CROCC: variants seen among roughly 807,000 people sequenced by gnomAD.
CROCC encodes the protein ciliary rootlet coiled-coil, rootletin, also known as rootletin.
A neutral mutation model predicts 245.2 loss-of-function variants in CROCC; 180 were observed. The ratio of observed to expected loss-of-function variants is 0.73; its 90% CI spans 0.65 to 0.83. CROCC has a LOEUF of 0.83. Ranked by LOEUF, CROCC falls within the 40% of genes least tolerant of loss-of-function variation. CROCC has a pLI of 0.00. For missense variants in CROCC, 2,688 were observed against 2,779.4 expected, an observed-to-expected ratio of 0.97 and a Z score of 0.74; for synonymous variants, 1,205 against 1,241.6, an observed-to-expected ratio of 0.97 and a Z score of 0.62.
intron 23 of CROCC, 22 bp from the exon 24 acceptor site, chr1:16,955,290 G>A: frequency 6.2e-7 from 1 of 1,603,248 alleles, no homozygotes; most frequent in Non-Finnish European, 8.5e-7. Context: ...CGCTGCCCTG[G>A]GGACACCTGC....
At position 16,938,381 on chromosome 1, in the gene CROCC, C is replaced by G; in HGVS notation, c.1291-19C>G. On this transcript the variant is annotated intron_variant, in intron 10 of 36. Coordinates refer to ENST00000375541, the MANE Select transcript of CROCC (RefSeq NM_014675.5). ...AGACAGAACCCCAACCACCCTTTGT[C>G]TCCCTAACCGCACTCCAGGAATCCC... 3.9e-6 allele frequency: 6 copies of G among 1,549,282 alleles called. No individual in the cohort carries two copies. Among genetic ancestry groups the G allele is most frequent in the Non-Finnish European group, 5.2e-6 (6 of 1,146,548 alleles).
intron 3 of CROCC, among the ~76,000 whole-genome samples, chr1:16,927,502 C>A (rs1379024630): frequency 2.0e-5 from 3 of 152,266 alleles, no homozygotes; most frequent in Non-Finnish European, 2.9e-5. Context: ...TACCCTGATA[C>A]ACACAGCCAG....
rs1239623294 is a variant in CROCC, at chr1:16,929,925, T to C, written c.431T>C (p.Leu144Ser). The C allele has an allele frequency of 5.0e-6, 8 of 1,589,168 alleles. No homozygotes were observed. The highest frequency in any genetic ancestry group is 1.3e-5 in the African/African-American group (1 of 74,766). ...GGGCTGGTACGGCAGAGCGTGGAGT[T>C]GCGGAGGCAGCTGCAGGAGGAGCAG... ...PRGLVRQSVE[L>S]RRQLQEEQAS... Residue 144 changes from leucine to serine, a missense_variant, in exon 4 of 37, where the codon TTG becomes TCG. By Grantham distance (145) the Leu-to-Ser change is moderately radical. Transcript: ENST00000375541.
chr1:16,959,665 A>G (rs920394488), intron 26 of CROCC, among the ~76,000 whole-genome samples: 14 of 152,192 alleles, frequency 9.2e-5, no homozygotes, highest in East Asian at 7.7e-4. Flanking sequence ...CTGTGTGACC[A>G]TGCATCCCAT....
At chr1:16,932,055 C>T (rs1372880458) in intron 8 of CROCC, among the ~76,000 whole-genome samples, 3 of 152,218 alleles carry the variant, frequency 2.0e-5, no homozygotes, top group Non-Finnish European at 4.4e-5. Flanking sequence ...GCATGAGCCA[C>T]AGCGCCAGGC....
At chr1:16,967,243 G>A (rs1192381791) in intron 30 of CROCC, among the ~76,000 whole-genome samples, 1 of 152,130 alleles carries the variant, frequency 6.6e-6, no homozygotes, top group Non-Finnish European at 1.5e-5. Context: ...TAGTTCTGGG[G>A]TTTTTATGTG....
Position 16,954,304 on chromosome 1 carries a change from C to T in CROCC, c.3268C>T (p.Leu1090=). Residue 1090 remains leucine (L), a synonymous_variant, in exon 22 of 37, where the codon CTG becomes TTG. Transcript: ENST00000375541. This position sits in a 1 kb window ranked among gnomAD's most constrained non-coding sequence, Gnocchi z 4.4. ...ACGGCACAGCCTGGCCACCATCTCC[C>T]TGGAGATGGAGCGGCAGAAACGAGA... The part of the protein sequence containing the change: ...GTRHSLATIS[L]EMERQKRDAQ... 1 of 1,612,102 alleles carries T rather than the reference C, an allele frequency of 6.2e-7. No individual in the cohort carries two copies. Among genetic ancestry groups the T allele is most frequent in the Non-Finnish European group, 8.5e-7 (1 of 1,179,896 alleles).
At position 16,954,651 on chromosome 1, in the gene CROCC, T is replaced by C. The variant is rs2076218471; in HGVS notation, c.3322-83T>C. The C allele has an allele frequency of 1.4e-6, 2 of 1,454,666 alleles. No homozygotes were observed. Among genetic ancestry groups the C allele is most frequent in the Non-Finnish European group, 1.8e-6 (2 of 1,094,898 alleles). 90.1% of individuals were successfully genotyped at this position (1,454,666 alleles called of 1,614,324 possible). On this transcript the variant is annotated intron_variant, in intron 22 of 36. Coordinates refer to ENST00000375541, the MANE Select transcript of CROCC (RefSeq NM_014675.5). This position sits in a 1 kb window ranked among gnomAD's most constrained non-coding sequence, Gnocchi z 4.4. ...GAGGGGCCGTGTTTAGAGCTAAAAG[T>C]GGACAGTGCACTGAGCGGGTTGGGA...
chr1:16,935,710 C>T (rs556830920), intron 8 of CROCC, among the ~76,000 whole-genome samples: 1 of 152,418 alleles, frequency 6.6e-6, no homozygotes, highest in African/African-American at 2.4e-5. Context: ...AGGCGTGAGC[C>T]ACCAAGCCTG....
chr1:16,968,467 A>G, intron 31 of CROCC, 49 bp downstream of exon 31: 1 of 1,439,646 alleles, frequency 6.9e-7, no homozygotes, highest in South Asian at 1.5e-5. Flanking sequence ...GCCCTGTGCC[A>G]AGAGCTTTGT....
At chr1:16,938,075 A>T (rs1260211684) in intron 10 of CROCC, among the ~76,000 whole-genome samples, 1 of 152,258 alleles carries the variant, frequency 6.6e-6, no homozygotes, top group Non-Finnish European at 1.5e-5. Flanking sequence ...CTGGCAACCT[A>T]GCTGCCCCCC....
intron 3 of CROCC, among the ~76,000 whole-genome samples, chr1:16,927,482 C>T (rs1460162130): frequency 4.6e-5 from 7 of 152,268 alleles, no homozygotes; most frequent in African/African-American, 1.7e-4. Context: ...CTCACCGACA[C>T]ACAGACATAT....
intron 3 of CROCC, among the ~76,000 whole-genome samples, chr1:16,924,780 G>A (rs1252507880): frequency 6.6e-6 from 1 of 152,270 alleles, no homozygotes; most frequent in East Asian, 1.9e-4. Context: ...TTAGGGGTGT[G>A]GGACACGGAG....
At chr1:16,937,042 A>G (rs1260276099) in intron 9 of CROCC, among the ~76,000 whole-genome samples, 169 bp downstream of exon 9, 4 of 152,294 alleles carry the variant, frequency 2.6e-5, no homozygotes, top group African/African-American at 7.2e-5. Flanking sequence ...TGTTTATCAT[A>G]AACAGCTTAG....
At chr1:16,964,683 T>A (rs1396915206) in intron 27 of CROCC, among the ~76,000 whole-genome samples, 1 of 149,300 alleles carries the variant, frequency 6.7e-6, no homozygotes. Flanking sequence ...GCTCCCAGTC[T>A]TTTCTTTCTT....
intron 20 of CROCC, 103 bp downstream of exon 20, chr1:16,951,225 T>C: frequency 1.8e-6 from 2 of 1,099,444 alleles, no homozygotes; most frequent in Non-Finnish European, 2.5e-6. Flanking sequence ...ACTTCCTCTC[T>C]GTTGTGGAGG....
chr1:16,922,965 G>T (rs377726134), intron 2 of CROCC, among the ~76,000 whole-genome samples, 167 bp downstream of exon 2: 3,307 of 151,342 alleles, frequency 0.022, no homozygotes, highest in African/African-American at 0.076. Context: ...CAGAGGCTCA[G>T]GGATGTAATT....
rs543214220 is a variant in CROCC at position 16,952,924 on chromosome 1, T to C, written c.3007-378T>C. On this transcript the variant is annotated intron_variant, in intron 20 of 36. Coordinates refer to ENST00000375541, the MANE Select transcript of CROCC (RefSeq NM_014675.5). ...TCCCCATGGCCCACACGGCCTGTCC[T>C]GGCCCCACCCCTGCCTGGGGCTCTG... Among the ~76,000 whole-genome samples, 7 of 152,362 alleles carry C rather than the reference T, an allele frequency of 4.6e-5. No homozygotes were observed. In the South Asian group the frequency reaches 1.4e-3, roughly 32 times the overall value.
Position 16,972,517 on chromosome 1 carries a change from C to CT in CROCC, c.*71_*72insT. The CT allele has an allele frequency of 9.9e-7, 1 of 1,014,160 alleles. No individual in the cohort carries two copies. Among genetic ancestry groups the CT allele is most frequent in the South Asian group, 1.7e-5 (1 of 57,256 alleles). The allele number at this position is 1,014,160 out of a possible 1,614,324, so 62.8% of individuals were successfully genotyped here. A position where few individuals can be genotyped will look rare whatever the true frequency, so the allele number is the denominator to read the frequency against. ...AGGACCCTTCTTTTGGACAGCCCCC[C>CT]CACCCAGAGCCCGGTCCCTTGGGGG... is the stretch of plus-strand genomic sequence containing the variant. On this transcript the variant is annotated 3_prime_UTR_variant, in exon 37 of 37. Coordinates refer to ENST00000375541, the MANE Select transcript of CROCC (RefSeq NM_014675.5).
Sources: allele counts gnomAD v4.1 joint callset (sites outside exome capture counted in the v4.1 genomes callset), GRCh38; gene constraint gnomAD v4.1.1; non-coding constraint Gnocchi (gnomAD v3.1); transcripts MANE v1.5; gene names NCBI Gene and HGNC (gene_info 2026-07-23, HGNC 2026-07-21).